The following GIP variants were observed in gnomAD, a reference collection of about 807,000 sequenced individuals.
The protein encoded by GIP is glucose-dependent insulinotropic polypeptide.
GIP carries 16 observed loss-of-function variants against 18.1 expected under a neutral mutation model. That is an observed-to-expected ratio of 0.88 (90% confidence interval 0.60 to 1.34). GIP has a LOEUF of 1.34. GIP is among the 40% of genes most tolerant of loss of function. GIP has a pLI of 0.00. For synonymous variants in GIP, 76 were observed against 74.0 expected, an observed-to-expected ratio of 1.03 and a Z score of -0.14; for missense variants, 192 against 183.4, an observed-to-expected ratio of 1.05 and a Z score of -0.27.
In GIP at chr17:48,967,188, G is replaced by T; in HGVS notation, c.45C>A (p.Phe15Leu). The T allele has an allele frequency of 6.2e-7, 1 of 1,613,868 alleles. No individual in the cohort carries two copies. The highest frequency in any genetic ancestry group is 8.5e-7 in the Non-Finnish European group (1 of 1,179,914). The change falls in exon 2 of 6, where the codon TTC becomes TTA. Residue 15 changes from phenylalanine to leucine, a missense_variant. Transcript: ENST00000357424. ...TCTTCTCTCCTAGTCCCACTGCCAG[G>T]AACAGGGACAGCAGCAGCAGAGCAA... is the stretch of plus-strand genomic sequence containing the variant. ...KTFALLLLSL[F>L]LAVGLGEKKE...
intron 2 of GIP, 49 bp downstream of exon 2, chr17:48,967,098 A>C: frequency 7.4e-7 from 1 of 1,347,260 alleles, no homozygotes; most frequent in Non-Finnish European, 1.1e-6. Context: ...AGAACCTGTC[A>C]TCCCCTAACC....
At chr17:48,959,036 A>G (rs901744791) in intron 5 of GIP, among the ~76,000 whole-genome samples, 4 of 151,838 alleles carry the variant, frequency 2.6e-5, no homozygotes, top group African/African-American at 9.7e-5. Context: ...TTGTATTTTT[A>G]ATAGAGACAG....
intron 3 of GIP, among the ~76,000 whole-genome samples, chr17:48,962,493 C>T (rs1336443536): frequency 2.0e-5 from 3 of 152,034 alleles, no homozygotes; most frequent in East Asian, 1.9e-4. Context: ...CTCAGCCTCC[C>T]GAGTAGCTGG....
Position 48,967,267 on chromosome 17 carries a change from A to G in GIP, c.-21-14T>C, listed in dbSNP as rs746715946. 1 of 1,580,582 alleles carries G rather than the reference A, an allele frequency of 6.3e-7. No homozygotes were observed. The highest frequency in any genetic ancestry group is 8.7e-7 in the Non-Finnish European group (1 of 1,149,480). Reference sequence around the variant, plus strand: ...TTATTTCCTGAGCTAAGACAGAAAAAAGCCAGGACATGTTGAGAGAGCAAC... The same window carrying G: ...TTATTTCCTGAGCTAAGACAGAAAAGAGCCAGGACATGTTGAGAGAGCAAC... On this transcript the variant is annotated splice_polypyrimidine_tract_variant and intron_variant, in intron 1 of 5. Transcript: ENST00000357424.
At chr17:48,966,700 G>C (rs2041237846) in intron 2 of GIP, among the ~76,000 whole-genome samples, 1 of 152,026 alleles carries the variant, frequency 6.6e-6, no homozygotes, top group Admixed American at 6.6e-5. Context: ...CTAGCTGCTC[G>C]GGAGGCTGAG....
At chr17:48,967,409 G>C (rs1339293071) in intron 1 of GIP, among the ~76,000 whole-genome samples, 156 bp from the exon 2 acceptor site, 1 of 150,320 alleles carries the variant, frequency 6.7e-6, no homozygotes, top group Non-Finnish European at 1.5e-5. Context: ...GTCCAGGTGG[G>C]AGTGCAGTGG....
chr17:48,965,953 A>G (rs1318073875), intron 2 of GIP, among the ~76,000 whole-genome samples: 1 of 151,996 alleles, frequency 6.6e-6, no homozygotes, highest in Admixed American at 6.6e-5. Context: ...GCTCAGATCT[A>G]TGTTCTTAAC....
chr17:48,964,203 G>A (rs2041220021), intron 3 of GIP, 107 bp downstream of exon 3: 1 of 704,300 alleles, frequency 1.4e-6, no homozygotes, highest in Non-Finnish European at 2.4e-6. Flanking sequence ...GGTGCCACCT[G>A]GGGTTGTGCA....
At chr17:48,958,905 A>G (rs1012286227) in intron 5 of GIP, among the ~76,000 whole-genome samples, 189 bp from the exon 6 acceptor site, 1 of 147,440 alleles carries the variant, frequency 6.8e-6, no homozygotes, top group Admixed American at 6.9e-5. Flanking sequence ...CCCAGGCTGG[A>G]GTGCAGTGGC....
At chr17:48,962,062 C>T (rs764462849) in intron 3 of GIP, among the ~76,000 whole-genome samples, 29 of 152,150 alleles carry the variant, frequency 1.9e-4, no homozygotes, top group Non-Finnish European at 3.4e-4. Context: ...TTAATCTTCT[C>T]TTCATTTTTT....
At chr17:48,961,088 GGGGA>G in intron 4 of GIP, 101 bp from the exon 5 acceptor site, 1 of 697,736 alleles carries the variant, frequency 1.4e-6, no homozygotes. Context: ...CCGCGGATGG[GGGGA>G]GGGAGCCGAC....
rs764969222 is a variant in GIP at position 48,961,783 on chromosome 17, C to G, written c.294G>C (p.Ala98=). 2.5e-6 allele frequency: 4 copies of G among 1,612,894 alleles called. No individual in the cohort carries two copies. The South Asian group carries it at 4.4e-5, about 18-fold the overall frequency. The part of the protein sequence containing the change: ...KHNITQREAR[A]LELASQANRK... ...TATTAGCTTGACTGGCCAGCTCCAGCGCCCGAGCCTCCCTCTGGGTGATGT... is the reference window on the plus strand; with the variant it reads ...TATTAGCTTGACTGGCCAGCTCCAGGGCCCGAGCCTCCCTCTGGGTGATGT... The change falls in exon 4 of 6, where the codon GCG becomes GCC. Residue 98 remains alanine (A), a synonymous_variant. Transcript: ENST00000357424.
At chr17:48,965,607 A>AAAG (rs1217090946) in intron 2 of GIP, among the ~76,000 whole-genome samples, 1 of 150,218 alleles carries the variant, frequency 6.7e-6, no homozygotes, top group Non-Finnish European at 1.5e-5. Flanking sequence ...TCCATCTCAA[A>AAAG]AAAAAAAAAA....
At position 48,958,654 on chromosome 17, in the gene GIP, G is replaced by C; in HGVS notation, c.*53C>G. The C allele has an allele frequency of 6.8e-7, 1 of 1,480,782 alleles. No individual in the cohort carries two copies. The highest frequency in any genetic ancestry group is 1.2e-5 in the South Asian group (1 of 83,236). The allele number at this position is 1,480,782 out of a possible 1,614,324, so 91.7% of individuals were successfully genotyped here. A position where few individuals can be genotyped will look rare whatever the true frequency, so the allele number is the denominator to read the frequency against. ...CTTGGCTATTCTGGAGTGGGGCTGA[G>C]GCAGGTGCTAAGTGAAGGGCAGAAT... On this transcript the variant is annotated 3_prime_UTR_variant, in exon 6 of 6. Coordinates refer to ENST00000357424, the MANE Select transcript of GIP (RefSeq NM_004123.3).
intron 2 of GIP, among the ~76,000 whole-genome samples, chr17:48,965,172 A>T (rs1392538471): frequency 6.9e-6 from 1 of 145,674 alleles, no homozygotes; most frequent in African/African-American, 2.6e-5. Flanking sequence ...GTGGTGGCAC[A>T]TGCCTGTAAT....
intron 2 of GIP, among the ~76,000 whole-genome samples, chr17:48,965,986 G>T (rs537888255): frequency 1.3e-5 from 2 of 151,960 alleles, no homozygotes; most frequent in Non-Finnish European, 2.9e-5. Flanking sequence ...CAGGCCAGGC[G>T]CAGTGGCTCA....
In GIP at chr17:48,961,593, C is replaced by G. The variant is rs2041200578; in HGVS notation, c.350+134G>C. The G allele has an allele frequency of 9.5e-6, 6 of 631,712 alleles. No homozygotes were observed. The South Asian group carries it at 1.1e-4, about 12-fold the overall frequency. 39.1% of individuals were successfully genotyped at this position (631,712 alleles called of 1,614,324 possible). ...CCAGGAGTTTGCTCAATGAAGACCC[C>G]TCTTTGAACTCTGAGAGGAAGAGGA... On this transcript the variant is annotated intron_variant, in intron 4 of 5. Transcript: ENST00000357424.
intron 2 of GIP, among the ~76,000 whole-genome samples, chr17:48,965,448 C>CA (rs1301385060): frequency 3.3e-5 from 4 of 121,620 alleles, no homozygotes; most frequent in African/African-American, 9.2e-5. Context: ...ACTAAAAATA[C>CA]AAAAAAATTA....
chr17:48,959,809 G>A lies in GIP; in HGVS notation c.452+1077C>T, dbSNP rs1034602044. Among the ~76,000 whole-genome samples the A allele has an allele frequency of 3.7e-3, 424 of 115,160 alleles. 1 individual carries two copies. The highest frequency in any genetic ancestry group is 0.013 in the African/African-American group (372 of 28,004). 75.5% of individuals were successfully genotyped at this position (115,160 alleles called of 152,430 possible). The stretch of plus-strand genomic sequence containing the variant: ...CTCAGCTCGGTGGGTAGGGACAGGC[G>A]GGACACAGGATGGGCTCAGCTCGGT... On this transcript the variant is annotated intron_variant, in intron 5 of 5. Transcript: ENST00000357424.
Sources: gnomAD v4.1 joint callset for allele counts (sites outside exome capture counted in the v4.1 genomes callset) on GRCh38, gnomAD v4.1.1 for gene constraint, MANE v1.5 for transcripts, NCBI Gene and HGNC (gene_info 2026-07-23, HGNC 2026-07-21) for gene names.